Variants in SFN observed in about 807,000 individuals in gnomAD.
SFN encodes the protein stratifin, also known as 14-3-3 protein sigma.
A neutral mutation model predicts 19.1 loss-of-function variants in SFN; 5 were observed. The ratio of observed to expected loss-of-function variants is 0.26; its 90% CI spans 0.14 to 0.55. The LOEUF (loss-of-function observed/expected upper bound fraction) is 0.55. Among genes scored for constraint, SFN ranks in the 20% least tolerant of loss-of-function variants. The probability of loss-of-function intolerance (pLI) is 0.94; values close to 1 mark genes in which losing one functional copy is unlikely to be tolerated. For synonymous variants in SFN, 130 were observed against 140.9 expected (o/e 0.92, Z 0.55); for missense variants, 287 against 330.0 (o/e 0.87, Z 1.01).
Position 26,863,904 on chromosome 1 carries a change from C to A in SFN, c.692C>A (p.Thr231Lys). 1 of 1,614,022 alleles carries A rather than the reference C, an allele frequency of 6.2e-7. No homozygotes were observed. The highest frequency in any genetic ancestry group is 8.5e-7 in the Non-Finnish European group (1 of 1,179,964). ...CTGCGAGACAACCTGACACTGTGGA[C>A]GGCCGACAACGCCGGGGAAGAGGGG... Reference protein sequence around the residue: ...QLLRDNLTLWTADNAGEEGGE... With the variant: ...QLLRDNLTLWKADNAGEEGGE... The change falls in exon 1 of 1, where the codon ACG becomes AAG. Residue 231 changes from threonine (T) to lysine (K), a missense_variant. Coordinates refer to ENST00000339276, the MANE Select transcript of SFN (RefSeq NM_006142.5). The surrounding 1 kb of genome is among the most constrained non-coding windows in gnomAD (Gnocchi z 7.4).
Position 26,864,364 on chromosome 1 carries a change from T to TGTGTGC in SFN, c.*406_*407insTGTGCG, listed in dbSNP as rs746458233. ...GTGTGTGTGTGTGTGTGTGTGTGTGTGCGCGCGCGCCAGTGCAAGACCGAG... is the reference window on the plus strand; with the variant it reads ...GTGTGTGTGTGTGTGTGTGTGTGTGTGTGTGCGCGCGCGCGCCAGTGCAAGACCGAG... On this transcript the variant is annotated 3_prime_UTR_variant, in exon 1 of 1. Transcript: ENST00000339276. This position sits in a 1 kb window ranked among gnomAD's most constrained non-coding sequence, Gnocchi z 5.2. 263 of 187,084 alleles carry TGTGTGC rather than the reference T, an allele frequency of 1.4e-3. No individual in the cohort carries two copies. The highest frequency in any genetic ancestry group is 2.6e-3 in the Non-Finnish European group (217 of 83,374). The allele number at this position is 187,084 out of a possible 1,614,324, so 11.6% of individuals were successfully genotyped here. A position where few individuals can be genotyped will look rare whatever the true frequency, so the allele number is the denominator to read the frequency against.
chr1:26,863,160 C>T lies in SFN; in HGVS notation c.-53C>T. On this transcript the variant is annotated 5_prime_UTR_variant, in exon 1 of 1. Coordinates refer to ENST00000339276, the MANE Select transcript of SFN (RefSeq NM_006142.5). The surrounding 1 kb of genome is among the most constrained non-coding windows in gnomAD (Gnocchi z 7.4). ...AGAGCAGGAGAGACACAGAGTCCGG[C>T]ATTGGTCCCAGGCAGCAGTTAGCCC... 6.2e-7 allele frequency: 1 copy of T among 1,600,002 alleles called. No individual in the cohort carries two copies. Among genetic ancestry groups the T allele is most frequent in the Non-Finnish European group, 8.5e-7 (1 of 1,173,194 alleles).
At position 26,863,338 on chromosome 1, in the gene SFN, C is replaced by A; in HGVS notation, c.126C>A (p.Asn42Lys). ...AGGAGCTCTCCTGCGAAGAGCGAAA[C>A]CTGCTCTCAGTAGCCTATAAGAACG... is the stretch of plus-strand genomic sequence containing the variant. The part of the protein sequence containing the change: ...KGEELSCEER[N>K]LLSVAYKNVV... Residue 42 changes from asparagine (N) to lysine (K), a missense_variant, in exon 1 of 1, where the codon AAC becomes AAA. Transcript: ENST00000339276. The surrounding 1 kb of genome is among the most constrained non-coding windows in gnomAD (Gnocchi z 7.4). 1 of 1,614,166 alleles carries A rather than the reference C, an allele frequency of 6.2e-7. No homozygotes were observed. Among genetic ancestry groups the A allele is most frequent in the Non-Finnish European group, 8.5e-7 (1 of 1,180,036 alleles).
In SFN at chr1:26,863,964, T is replaced by A. The variant is rs1485711458; in HGVS notation, c.*5T>A. On this transcript the variant is annotated 3_prime_UTR_variant, in exon 1 of 1. Coordinates refer to ENST00000339276, the MANE Select transcript of SFN (RefSeq NM_006142.5). This position sits in a 1 kb window ranked among gnomAD's most constrained non-coding sequence, Gnocchi z 7.4. ...CCCCAGGAGCCCCAGAGCTGAGTGT[T>A]GCCCGCCACCGCCCCGCCCTGCCCC... The A allele has an allele frequency of 2.5e-6, 4 of 1,602,266 alleles. No individual in the cohort carries two copies. The highest frequency in any genetic ancestry group is 1.7e-5 in the Admixed American group (1 of 59,346).
chr1:26,863,271 A>G lies in SFN; in HGVS notation c.59A>G (p.Glu20Gly), dbSNP rs2081767748. 1.2e-6 allele frequency: 2 copies of G among 1,614,242 alleles called. No individual in the cohort carries two copies. Among genetic ancestry groups the G allele is most frequent in the Non-Finnish European group, 1.7e-6 (2 of 1,180,052 alleles). The change falls in exon 1 of 1, where the codon GAG (glutamate) becomes GGG (glycine). Residue 20 changes from glutamate (E) to glycine (G), a missense_variant. Coordinates refer to ENST00000339276, the MANE Select transcript of SFN (RefSeq NM_006142.5). This position sits in a 1 kb window ranked among gnomAD's most constrained non-coding sequence, Gnocchi z 7.4. ...CTGGCAGAGCAGGCCGAACGCTATGAGGACATGGCAGCCTTCATGAAAGGC... is the reference window on the plus strand; with the variant it reads ...CTGGCAGAGCAGGCCGAACGCTATGGGGACATGGCAGCCTTCATGAAAGGC... ...AKLAEQAERY[E>G]DMAAFMKGAV... is the part of the protein sequence containing the mutation.
At position 26,864,291 on chromosome 1, in the gene SFN, T is replaced by A; in HGVS notation, c.*332T>A. 1 of 364,622 alleles carries A rather than the reference T, an allele frequency of 2.7e-6. No individual in the cohort carries two copies. The highest frequency in any genetic ancestry group is 5.4e-6 in the Non-Finnish European group (1 of 186,196). The allele number at this position is 364,622 out of a possible 1,614,324, so 22.6% of individuals were successfully genotyped here. ...CGTAGGAATTGAGGAGTGTCCCGCC[T>A]TGTGGCTGAGAACTGGACAGTGGCA... On this transcript the variant is annotated 3_prime_UTR_variant, in exon 1 of 1. Coordinates refer to ENST00000339276, the MANE Select transcript of SFN (RefSeq NM_006142.5). The surrounding 1 kb of genome is among the most constrained non-coding windows in gnomAD (Gnocchi z 5.2).
rs1417669561 is a variant in SFN, at chr1:26,863,819, G to A, written c.607G>A (p.Ala203Thr). Residue 203 changes from alanine to threonine, a missense_variant, in exon 1 of 1, where the codon GCT (alanine) becomes ACT (threonine). Coordinates refer to ENST00000339276, the MANE Select transcript of SFN (RefSeq NM_006142.5). This position sits in a 1 kb window ranked among gnomAD's most constrained non-coding sequence, Gnocchi z 7.4. ...CAAGACCACTTTCGACGAGGCCATGGCTGATCTGCACACCCTCAGCGAGGA... is the reference window on the plus strand; with the variant it reads ...CAAGACCACTTTCGACGAGGCCATGACTGATCTGCACACCCTCAGCGAGGA... ...LAKTTFDEAMADLHTLSEDSY... is the reference protein window; with the variant it reads ...LAKTTFDEAMTDLHTLSEDSY... 6.2e-7 allele frequency: 1 copy of A among 1,614,112 alleles called. No individual in the cohort carries two copies. Among genetic ancestry groups the A allele is most frequent in the Non-Finnish European group, 8.5e-7 (1 of 1,180,014 alleles).
At position 26,864,338 on chromosome 1, in the gene SFN, T is replaced by TGG; in HGVS notation, c.*380_*381insGG. The TGG allele has an allele frequency of 4.9e-6, 1 of 204,512 alleles. No individual in the cohort carries two copies. Among genetic ancestry groups the TGG allele is most frequent in the East Asian group, 1.3e-4 (1 of 7,536 alleles). The allele number at this position is 204,512 out of a possible 1,614,324, so 12.7% of individuals were successfully genotyped here. On this transcript the variant is annotated 3_prime_UTR_variant, in exon 1 of 1. Transcript: ENST00000339276. This position sits in a 1 kb window ranked among gnomAD's most constrained non-coding sequence, Gnocchi z 5.2. ...GGCAGGGGCTGGAGATGGGTGTGTG[T>TGG]GTGTGTGTGTGTGTGTGTGTGTGTG... is the stretch of plus-strand genomic sequence containing the variant.
In SFN at chr1:26,863,857, C is replaced by T. The variant is rs1393982955; in HGVS notation, c.645C>T (p.Asp215=). The stretch of plus-strand genomic sequence containing the variant: ...CCCTCAGCGAGGACTCCTACAAAGA[C>T]AGCACCCTCATCATGCAGCTGCTGC... ...LHTLSEDSYK[D]STLIMQLLRD... Residue 215 remains aspartate (D), a synonymous_variant, in exon 1 of 1, where the codon GAC becomes GAT. Coordinates refer to ENST00000339276, the MANE Select transcript of SFN (RefSeq NM_006142.5). The surrounding 1 kb of genome is among the most constrained non-coding windows in gnomAD (Gnocchi z 7.4). 3 of 1,614,078 alleles carry T rather than the reference C, an allele frequency of 1.9e-6. No homozygotes were observed. Among genetic ancestry groups the T allele is most frequent in the African/African-American group, 1.3e-5 (1 of 74,932 alleles).
chr1:26,863,909 G>A lies in SFN; in HGVS notation c.697G>A (p.Asp233Asn). The A allele has an allele frequency of 1.9e-6, 3 of 1,613,942 alleles. No individual in the cohort carries two copies. Among genetic ancestry groups the A allele is most frequent in the Non-Finnish European group, 2.5e-6 (3 of 1,179,956 alleles). The change falls in exon 1 of 1, where the codon GAC becomes AAC. Residue 233 changes from aspartate (D) to asparagine (N), a missense_variant. Physicochemically the swap from Asp to Asn is conservative, Grantham distance 23. Transcript: ENST00000339276. This position sits in a 1 kb window ranked among gnomAD's most constrained non-coding sequence, Gnocchi z 7.4. ...AGACAACCTGACACTGTGGACGGCC[G>A]ACAACGCCGGGGAAGAGGGGGGCGA... is the stretch of plus-strand genomic sequence containing the variant. ...LRDNLTLWTA[D>N]NAGEEGGEAP...
chr1:26,863,264 C>A lies in SFN; in HGVS notation c.52C>A (p.Arg18Ser). Residue 18 changes from arginine to serine, a missense_variant, in exon 1 of 1, where the codon CGC (arginine) becomes AGC (serine). Coordinates refer to ENST00000339276, the MANE Select transcript of SFN (RefSeq NM_006142.5). The surrounding 1 kb of genome is among the most constrained non-coding windows in gnomAD (Gnocchi z 7.4). ...QKAKLAEQAE[R>S]YEDMAAFMKG... is the part of the protein sequence containing the mutation. Reference sequence around the variant, plus strand: ...GGCCAAGCTGGCAGAGCAGGCCGAACGCTATGAGGACATGGCAGCCTTCAT... The same window carrying A: ...GGCCAAGCTGGCAGAGCAGGCCGAAAGCTATGAGGACATGGCAGCCTTCAT... 1 of 1,614,240 alleles carries A rather than the reference C, an allele frequency of 6.2e-7. No homozygotes were observed. Among genetic ancestry groups the A allele is most frequent in the Non-Finnish European group, 8.5e-7 (1 of 1,180,040 alleles).
Position 26,863,992 on chromosome 1 carries a change from C to T in SFN, c.*33C>T, listed in dbSNP as rs1348663511. 15 of 1,522,358 alleles carry T rather than the reference C, an allele frequency of 9.9e-6. No individual in the cohort carries two copies. Among genetic ancestry groups the T allele is most frequent in the Admixed American group, 6.0e-5 (3 of 50,212 alleles). The allele number at this position is 1,522,358 out of a possible 1,614,324, so 94.3% of individuals were successfully genotyped here. On this transcript the variant is annotated 3_prime_UTR_variant, in exon 1 of 1. Transcript: ENST00000339276. The surrounding 1 kb of genome is among the most constrained non-coding windows in gnomAD (Gnocchi z 7.4). ...CCGCCACCGCCCCGCCCTGCCCCCT[C>T]CAGTCCCCCACCCTGCCGAGAGGAC...
Position 26,863,420 on chromosome 1 carries a change from A to G in SFN, c.208A>G (p.Asn70Asp), listed in dbSNP as rs2081768882. The G allele has an allele frequency of 6.2e-7, 1 of 1,614,168 alleles. No individual in the cohort carries two copies. The highest frequency in any genetic ancestry group is 8.5e-7 in the Non-Finnish European group (1 of 1,180,008). The change falls in exon 1 of 1, where the codon AAC becomes GAC. Residue 70 changes from asparagine (N) to aspartate (D), a missense_variant. Asn to Asp is a conservative substitution (Grantham distance 23). Transcript: ENST00000339276. This position sits in a 1 kb window ranked among gnomAD's most constrained non-coding sequence, Gnocchi z 7.4. Reference sequence around the variant, plus strand: ...GCTGTCCAGTATTGAGCAGAAAAGCAACGAGGAGGGCTCGGAGGAGAAGGG... The same window carrying G: ...GCTGTCCAGTATTGAGCAGAAAAGCGACGAGGAGGGCTCGGAGGAGAAGGG... ...RVLSSIEQKS[N>D]EEGSEEKGPE...
Position 26,864,070 on chromosome 1 carries a change from A to T in SFN, c.*111A>T. On this transcript the variant is annotated 3_prime_UTR_variant, in exon 1 of 1. Transcript: ENST00000339276. This position sits in a 1 kb window ranked among gnomAD's most constrained non-coding sequence, Gnocchi z 5.2. The stretch of plus-strand genomic sequence containing the variant: ...CTCCCCTAGGCGCTGTTCTTGCTCC[A>T]AAGGGCTCCGTGGAGAGGGACTGGC... The T allele has an allele frequency of 1.0e-6, 1 of 998,122 alleles. No individual in the cohort carries two copies. The highest frequency in any genetic ancestry group is 1.4e-6 in the Non-Finnish European group (1 of 691,476). The allele number at this position is 998,122 out of a possible 1,614,324, so 61.8% of individuals were successfully genotyped here.
rs1384124244 is a variant in SFN, at chr1:26,863,654, C to G, written c.442C>G (p.Arg148Gly). 2 of 1,613,950 alleles carry G rather than the reference C, an allele frequency of 1.2e-6. No individual in the cohort carries two copies. Among genetic ancestry groups the G allele is most frequent in the Non-Finnish European group, 1.7e-6 (2 of 1,180,026 alleles). The change falls in exon 1 of 1, where the codon CGG becomes GGG. Residue 148 changes from arginine (R) to glycine (G), a missense_variant. By Grantham distance (125) the Arg-to-Gly change is moderately radical. Coordinates refer to ENST00000339276, the MANE Select transcript of SFN (RefSeq NM_006142.5). This position sits in a 1 kb window ranked among gnomAD's most constrained non-coding sequence, Gnocchi z 7.4. Reference sequence around the variant, plus strand: ...CAAGAAGCGCATCATTGACTCAGCCCGGTCAGCCTACCAGGAGGCCATGGA... The same window carrying G: ...CAAGAAGCGCATCATTGACTCAGCCGGGTCAGCCTACCAGGAGGCCATGGA... ...DDKKRIIDSA[R>G]SAYQEAMDIS...
chr1:26,863,446 G>A lies in SFN; in HGVS notation c.234G>A (p.Gly78=). The A allele has an allele frequency of 1.2e-6, 2 of 1,614,168 alleles. No homozygotes were observed. The highest frequency in any genetic ancestry group is 1.7e-6 in the Non-Finnish European group (2 of 1,180,036). ...ACGAGGAGGGCTCGGAGGAGAAGGG[G>A]CCCGAGGTGCGTGAGTACCGGGAGA... ...KSNEEGSEEK[G]PEVREYREKV... The change falls in exon 1 of 1, where the codon GGG becomes GGA. Residue 78 remains glycine (G), a synonymous_variant. Coordinates refer to ENST00000339276, the MANE Select transcript of SFN (RefSeq NM_006142.5). This position sits in a 1 kb window ranked among gnomAD's most constrained non-coding sequence, Gnocchi z 7.4.
chr1:26,864,207 C>A lies in SFN; in HGVS notation c.*248C>A. The A allele has an allele frequency of 1.9e-6, 1 of 537,748 alleles. No individual in the cohort carries two copies. Among genetic ancestry groups the A allele is most frequent in the Non-Finnish European group, 3.4e-6 (1 of 292,614 alleles). 33.3% of individuals were successfully genotyped at this position (537,748 alleles called of 1,614,324 possible). On this transcript the variant is annotated 3_prime_UTR_variant, in exon 1 of 1. Transcript: ENST00000339276. This position sits in a 1 kb window ranked among gnomAD's most constrained non-coding sequence, Gnocchi z 5.2. ...TCTCCGCACCCGCTTCCTCCCGACC[C>A]CAGGACCAGGCTACTTCTCCCCTCC...
Position 26,863,812 on chromosome 1 carries a change from G to A in SFN, c.600G>A (p.Glu200=). Residue 200 remains glutamate (E), a synonymous_variant, in exon 1 of 1, where the codon GAG becomes GAA. Transcript: ENST00000339276. This position sits in a 1 kb window ranked among gnomAD's most constrained non-coding sequence, Gnocchi z 7.4. The part of the protein sequence containing the change: ...AISLAKTTFD[E]AMADLHTLSE... The stretch of plus-strand genomic sequence containing the variant: ...CTCTGGCCAAGACCACTTTCGACGA[G>A]GCCATGGCTGATCTGCACACCCTCA... 6.2e-7 allele frequency: 1 copy of A among 1,613,992 alleles called. No homozygotes were observed. Among genetic ancestry groups the A allele is most frequent in the Non-Finnish European group, 8.5e-7 (1 of 1,180,008 alleles).
chr1:26,863,279 G>T lies in SFN; in HGVS notation c.67G>T (p.Ala23Ser), dbSNP rs780504299. Residue 23 changes from alanine to serine, a missense_variant, in exon 1 of 1, where the codon GCA (alanine) becomes TCA (serine). Transcript: ENST00000339276. This position sits in a 1 kb window ranked among gnomAD's most constrained non-coding sequence, Gnocchi z 7.4. ...AEQAERYEDM[A>S]AFMKGAVEKG... ...GCAGGCCGAACGCTATGAGGACATG[G>T]CAGCCTTCATGAAAGGCGCCGTGGA... 3 of 1,614,254 alleles carry T rather than the reference G, an allele frequency of 1.9e-6. No homozygotes were observed. The Admixed American group carries it at 5.0e-5, about 27-fold the overall frequency.
Sources: gnomAD v4.1 joint callset for allele counts on GRCh38, gnomAD v4.1.1 for gene constraint, Gnocchi (gnomAD v3.1) non-coding constraint, MANE v1.5 for transcripts, NCBI Gene and HGNC (gene_info 2026-07-23, HGNC 2026-07-21) for gene names.